The following PHEX variants were observed in gnomAD, a reference collection of about 807,000 sequenced individuals.
PHEX encodes phosphate regulating endopeptidase X-linked, also known as phosphate-regulating neutral endopeptidase PHEX.
PHEX carries 16 observed loss-of-function variants against 68.0 expected under a neutral mutation model. The observed-to-expected ratio is 0.24, with a 90% CI of 0.16 to 0.36. PHEX has a LOEUF of 0.36. Among genes scored for constraint, PHEX ranks in the 10% least tolerant of loss-of-function variants. The probability of loss-of-function intolerance (pLI) is 1.00; values close to 1 mark genes in which losing one functional copy is unlikely to be tolerated. For synonymous variants in PHEX, 208 were observed against 205.1 expected (o/e 1.01, Z -0.12); for missense variants, 480 against 575.5 (o/e 0.83, Z 1.70).
At chrX:22,177,492 TGG>T (rs1299501032) in intron 13 of PHEX, among the ~76,000 whole-genome samples, 1 of 111,608 alleles carries the variant, frequency 9.0e-6, no homozygotes, top group Non-Finnish European at 1.9e-5. Context: ...GTTTTGTAGA[TGG>T]AGTGCCTATA....
chrX:22,159,106 G>A (rs779909818), intron 12 of PHEX, among the ~76,000 whole-genome samples: 20 of 113,358 alleles, frequency 1.8e-4, no homozygotes, highest in Non-Finnish European at 2.2e-4. Flanking sequence ...TAGCTAAGCC[G>A]TGCGTGCACG....
chrX:22,078,913 A>G (rs772650995), intron 5 of PHEX, among the ~76,000 whole-genome samples: 5 of 112,003 alleles, frequency 4.5e-5, no homozygotes, highest in Admixed American at 9.5e-5. Flanking sequence ...CTGTGTTTCT[A>G]TGTTTGGTGA....
intron 11 of PHEX, among the ~76,000 whole-genome samples, chrX:22,118,275 C>G (rs1372997649): frequency 1.1e-5 from 1 of 89,838 alleles, no homozygotes; most frequent in Non-Finnish European, 2.1e-5. Flanking sequence ...ACTGCTGCTG[C>G]TGGTCGTGGA....
At chrX:22,093,147 T>A (rs184987735) in intron 6 of PHEX, among the ~76,000 whole-genome samples, 1 of 112,344 alleles carries the variant, frequency 8.9e-6, no homozygotes, top group Non-Finnish European at 1.9e-5. Flanking sequence ...AGGTCATACA[T>A]ATAGTAAGAA....
intron 3 of PHEX, among the ~76,000 whole-genome samples, chrX:22,072,494 A>G (rs1271155592): frequency 8.9e-6 from 1 of 112,223 alleles, no homozygotes; most frequent in Non-Finnish European, 1.9e-5. Context: ...GACACTAAAT[A>G]TGGTAACCAT....
intron 21 of PHEX, among the ~76,000 whole-genome samples, chrX:22,246,288 G>A (rs1936389771): frequency 8.9e-6 from 1 of 111,803 alleles, no homozygotes; most frequent in South Asian, 3.7e-4. Flanking sequence ...TAATTTATAT[G>A]TATTCATTCT....
At chrX:22,076,362 A>G in intron 3 of PHEX, 26 bp from the exon 4 acceptor site, 3 of 1,106,988 alleles carry the variant, frequency 2.7e-6, no homozygotes, top group South Asian at 1.8e-5. Flanking sequence ...GGTGGATACT[A>G]ATGAATCCTT....
intron 12 of PHEX, among the ~76,000 whole-genome samples, chrX:22,145,248 C>T (rs1215414596): frequency 8.9e-6 from 1 of 111,974 alleles, no homozygotes; most frequent in African/African-American, 3.2e-5. Flanking sequence ...TTTAAAAATC[C>T]TGAGGCTCAG....
chrX:22,208,819 T>C (rs888110912), intron 15 of PHEX, among the ~76,000 whole-genome samples: 1 of 112,238 alleles, frequency 8.9e-6, no homozygotes, highest in Non-Finnish European at 1.9e-5. Context: ...ATATGTGTTC[T>C]TAAACACCAC....
chrX:22,171,981 A>G (rs1468671348), intron 13 of PHEX: 2 of 112,185 alleles, frequency 1.8e-5, no homozygotes, highest in Non-Finnish European at 3.8e-5. Flanking sequence ...AGAAATGTTG[A>G]AAATTGAAGT....
chrX:22,155,860 G>T (rs1283471529), intron 12 of PHEX, among the ~76,000 whole-genome samples: 1 of 111,171 alleles, frequency 9.0e-6, no homozygotes. Flanking sequence ...TAGAAGAGGG[G>T]TTGGCAAACC....
intron 13 of PHEX, among the ~76,000 whole-genome samples, chrX:22,177,881 C>T (rs775974563): frequency 2.1e-4 from 24 of 111,929 alleles, no homozygotes; most frequent in Admixed American, 1.7e-3. Flanking sequence ...AAAAAACTTA[C>T]GTGACAAATT....
In PHEX at chrX:22,143,850, T is replaced by C. The variant is rs765524620; in HGVS notation, c.1404+10226T>C. Among the ~76,000 whole-genome samples, 142 of 112,491 alleles carry C rather than the reference T, an allele frequency of 1.3e-3. 2 individuals are homozygous for C. Among genetic ancestry groups the C allele is most frequent in the Non-Finnish European group, 4.5e-4 (24 of 53,357 alleles). ...TCTTTCCTGTCTTCTCTGAACTTTT[T>C]GCAATAGCATCGTAGTGTTTATTCA... is the stretch of plus-strand genomic sequence containing the variant. On this transcript the variant is annotated intron_variant, in intron 12 of 21. Transcript: ENST00000379374.
intron 9 of PHEX, among the ~76,000 whole-genome samples, chrX:22,099,604 A>G (rs1463849411): frequency 9.1e-6 from 1 of 110,479 alleles, no homozygotes; most frequent in Non-Finnish European, 1.9e-5. Context: ...CCACCTTGAG[A>G]GTGGTAGAAA....
rs142914201 is a variant in PHEX, at chrX:22,086,538, T to G, written c.664-3891T>G. Among the ~76,000 whole-genome samples, 275 of 111,415 alleles carry G rather than the reference T, an allele frequency of 2.5e-3. 2 individuals are homozygous for G. Among genetic ancestry groups the G allele is most frequent in the African/African-American group, 8.3e-3 (254 of 30,705 alleles). ...GGTTGGAAGGGCATCATAGAGAAATTTTATTATCCTTTGTCTGCTTGGAGT... is the reference window on the plus strand; with the variant it reads ...GGTTGGAAGGGCATCATAGAGAAATGTTATTATCCTTTGTCTGCTTGGAGT... On this transcript the variant is annotated intron_variant, in intron 5 of 21. Coordinates refer to ENST00000379374, the MANE Select transcript of PHEX (RefSeq NM_000444.6).
chrX:22,213,040 C>T (rs1262253474), intron 16 of PHEX, 82 bp downstream of exon 16: 1 of 762,248 alleles, frequency 1.3e-6, no homozygotes, highest in Admixed American at 2.2e-5. Context: ...GAAACAAAGT[C>T]AAAGGTTATT....
intron 20 of PHEX, among the ~76,000 whole-genome samples, chrX:22,242,536 C>T (rs1345617959): frequency 3.6e-5 from 4 of 111,818 alleles, no homozygotes; most frequent in Non-Finnish European, 5.6e-5. Context: ...ACCCCATCGT[C>T]TCAGCCCAAA....
intron 11 of PHEX, among the ~76,000 whole-genome samples, chrX:22,126,864 G>GTTTTTTTTTTTTTT (rs35691469): frequency 1.8e-5 from 1 of 54,600 alleles, no homozygotes; most frequent in Non-Finnish European, 3.2e-5. Flanking sequence ...TGAAATAGTT[G>GTTTTTTTTTTTTTT]TTTTTTTTTT....
chrX:22,235,902 A>T (rs750395573), intron 20 of PHEX, among the ~76,000 whole-genome samples: 11 of 111,131 alleles, frequency 9.9e-5, no homozygotes, highest in African/African-American at 3.6e-4. Context: ...AACCTGCTGA[A>T]AGAACTACAG....
Sources: gnomAD v4.1 joint callset for allele counts (sites outside exome capture counted in the v4.1 genomes callset) on GRCh38, gnomAD v4.1.1 for gene constraint, MANE v1.5 for transcripts, NCBI Gene and HGNC (gene_info 2026-07-23, HGNC 2026-07-21) for gene names.